Variants in CPA4 observed in about 807,000 individuals in gnomAD.
The protein encoded by CPA4 is carboxypeptidase A3.
CPA4 carries 49 observed loss-of-function variants against 54.7 expected under a neutral mutation model. The ratio of observed to expected loss-of-function variants is 0.90; its 90% CI spans 0.71 to 1.14. The LOEUF (loss-of-function observed/expected upper bound fraction) is 1.14. CPA4 is among the 50% of genes most tolerant of loss of function. CPA4 has a pLI of 0.00. For synonymous variants in CPA4, 215 were observed against 206.8 expected, an observed-to-expected ratio of 1.04 and a Z score of -0.34; for missense variants, 487 against 525.1, an observed-to-expected ratio of 0.93 and a Z score of 0.71.
chr7:130,320,092 C>T (rs1057489340), intron 10 of CPA4, among the ~76,000 whole-genome samples: 1 of 152,100 alleles, frequency 6.6e-6, no homozygotes, highest in African/African-American at 2.4e-5. Flanking sequence ...TCTAAAATGT[C>T]CACCTAGAGA....
chr7:130,305,810 CTGCAGTT>C lies in CPA4; in HGVS notation c.487-5_488del. ...GTCATTTTCGAGCCTTTTCTCCCTT[CTGCAGTT>C]CAGCACTGGGAAAGGCGTGAGGCGG... On this transcript the variant is annotated splice_acceptor_variant and splice_polypyrimidine_tract_variant and coding_sequence_variant and intron_variant, in exon 6 of 11. Transcript: ENST00000222482. LOFTEE classifies it high-confidence loss of function. 6.2e-7 allele frequency: 1 copy of C among 1,612,958 alleles called. No homozygotes were observed. The highest frequency in any genetic ancestry group is 8.5e-7 in the Non-Finnish European group (1 of 1,178,932).
chr7:130,304,970 G>A (rs1250005857), intron 5 of CPA4, among the ~76,000 whole-genome samples: 1 of 152,152 alleles, frequency 6.6e-6, no homozygotes, highest in African/African-American at 2.4e-5. Flanking sequence ...GTGAATTTGA[G>A]GGTTGGTGTA....
Position 130,322,784 on chromosome 7 carries a change from T to G in CPA4, c.*108T>G. The G allele has an allele frequency of 8.7e-7, 1 of 1,144,144 alleles. No individual in the cohort carries two copies. Among genetic ancestry groups the G allele is most frequent in the Admixed American group, 2.4e-5 (1 of 41,376 alleles). The allele number at this position is 1,144,144 out of a possible 1,614,324, so 70.9% of individuals were successfully genotyped here. A position where few individuals can be genotyped will look rare whatever the true frequency, so the allele number is the denominator to read the frequency against. On this transcript the variant is annotated 3_prime_UTR_variant, in exon 11 of 11. Transcript: ENST00000222482. ...TGTGTGAGTCAGAGCCCTCTGGGTT[T>G]GTGGAGCACACAGGCCTGCCCCTCT...
At chr7:130,301,059 A>C (rs1213497902) in intron 4 of CPA4, 145 bp downstream of exon 4, 2 of 617,352 alleles carry the variant, frequency 3.2e-6, no homozygotes, top group East Asian at 2.7e-5. Context: ...TTCCTTTCTA[A>C]TTCTTGGATT....
Position 130,304,700 on chromosome 7 carries a change from C to G in CPA4, c.486+121C>G. The G allele has an allele frequency of 4.3e-6, 3 of 700,450 alleles. No homozygotes were observed. In the South Asian group the frequency reaches 4.9e-5, roughly 11 times the overall value. The allele number at this position is 700,450 out of a possible 1,614,324, so 43.4% of individuals were successfully genotyped here. A position where few individuals can be genotyped will look rare whatever the true frequency, so the allele number is the denominator to read the frequency against. Reference sequence around the variant, plus strand: ...TTCAGGGAGGAAAGCGAGGTCAGGACACATTGTACCTGGGCTGGAACTTGG... The same window carrying G: ...TTCAGGGAGGAAAGCGAGGTCAGGAGACATTGTACCTGGGCTGGAACTTGG... On this transcript the variant is annotated intron_variant, in intron 5 of 10. Transcript: ENST00000222482.
At chr7:130,305,598 G>A (rs1005868939) in intron 5 of CPA4, among the ~76,000 whole-genome samples, 8 of 152,308 alleles carry the variant, frequency 5.3e-5, no homozygotes, top group Admixed American at 2.6e-4. Flanking sequence ...CCTAATGCTG[G>A]AGAGGTTCAG....
In CPA4 at chr7:130,322,860, G is replaced by A. The variant is rs927669667; in HGVS notation, c.*184G>A. The A allele has an allele frequency of 1.9e-6, 1 of 513,334 alleles. No individual in the cohort carries two copies. The highest frequency in any genetic ancestry group is 3.7e-5 in the Admixed American group (1 of 27,150). The allele number at this position is 513,334 out of a possible 1,614,324, so 31.8% of individuals were successfully genotyped here. On this transcript the variant is annotated 3_prime_UTR_variant, in exon 11 of 11. Coordinates refer to ENST00000222482, the MANE Select transcript of CPA4 (RefSeq NM_016352.4). ...TCCTGGCAGTGTCCCTGCAAGAACT[G>A]GTTCTGCCAGCCTGCTCAATTTTGG...
chr7:130,323,062 T>C lies in CPA4; in HGVS notation c.*386T>C, dbSNP rs1794145195. The C allele has an allele frequency of 5.8e-6, 1 of 171,008 alleles. No homozygotes were observed. The highest frequency in any genetic ancestry group is 2.4e-5 in the African/African-American group (1 of 42,082). The allele number at this position is 171,008 out of a possible 1,614,324, so 10.6% of individuals were successfully genotyped here. On this transcript the variant is annotated 3_prime_UTR_variant, in exon 11 of 11. Transcript: ENST00000222482. ...CCACATCTAGCCAAGCCAGTGACCT[T>C]GCTCTGGTGGCACTGTGGGAGACAC...
At position 130,298,124 on chromosome 7, in the gene CPA4, T is replaced by G. The variant is rs569778285; in HGVS notation, c.69-622T>G. Among the ~76,000 whole-genome samples the G allele has an allele frequency of 2.0e-5, 3 of 152,282 alleles. No homozygotes were observed. In the East Asian group the frequency reaches 5.8e-4, roughly 29 times the overall value. On this transcript the variant is annotated intron_variant, in intron 1 of 10. Transcript: ENST00000222482. ...CCAAACGAGCCTCTGTGTGGGGTTC[T>G]GGAGCTGGAAGGGACTGAGCGAGCA...
In CPA4 at chr7:130,293,226, T is replaced by C; in HGVS notation, c.46T>C (p.Cys16Arg). 6.2e-7 allele frequency: 1 copy of C among 1,611,772 alleles called. No homozygotes were observed. Among genetic ancestry groups the C allele is most frequent in the African/African-American group, 1.3e-5 (1 of 74,978 alleles). Residue 16 changes from cysteine (C) to arginine (R), a missense_variant, in exon 1 of 11, where the codon TGT (cysteine) becomes CGT (arginine). Transcript: ENST00000222482. ...TGGGGCCCTTATTGGGTCCAGCATC[T>C]GTGGCCAAGAAAAATTTTTTGGGTA... ...FIGALIGSSICGQEKFFGDQV... is the reference protein window; with the variant it reads ...FIGALIGSSIRGQEKFFGDQV...
rs1191036953 is a variant in CPA4 at position 130,323,896 on chromosome 7, TG to T, written c.*1221del. ...TATCCTGTGTTTCCTTGTCCTGGTT[TG>T]TGTGTGTGTGTGTGTGTGTGTGTGT... On this transcript the variant is annotated 3_prime_UTR_variant, in exon 11 of 11. Coordinates refer to ENST00000222482, the MANE Select transcript of CPA4 (RefSeq NM_016352.4). 4.8e-4 allele frequency: 4 copies of T among 8,340 alleles called. No homozygotes were observed. The highest frequency in any genetic ancestry group is 4.2e-3 in the African/African-American group (2 of 474). 0.5% of individuals were successfully genotyped at this position (8,340 alleles called of 1,614,324 possible).
At chr7:130,311,935 G>T in intron 9 of CPA4, 103 bp from the exon 10 acceptor site, 1 of 804,626 alleles carries the variant, frequency 1.2e-6, no homozygotes, top group Non-Finnish European at 2.1e-6. Context: ...AAAGGAAATC[G>T]GGGGGGGCTG....
At chr7:130,298,675 T>TG (rs1435514776) in intron 1 of CPA4, 71 bp from the exon 2 acceptor site, 10 of 921,430 alleles carry the variant, frequency 1.1e-5, no homozygotes, top group Admixed American at 7.0e-5. Flanking sequence ...ATAGGAGGCT[T>TG]GGGGGTTTCT....
intron 10 of CPA4, among the ~76,000 whole-genome samples, chr7:130,315,840 T>A (rs1003215872): frequency 3.9e-5 from 6 of 152,272 alleles, no homozygotes; most frequent in Admixed American, 6.5e-5. Flanking sequence ...AATAGAGCAT[T>A]GATGGGAAAT....
In CPA4 at chr7:130,322,821, C is replaced by T; in HGVS notation, c.*145C>T. The stretch of plus-strand genomic sequence containing the variant: ...AGGCCTGCCCCTCTCCAGCCAGCTC[C>T]CTGGAGTCGTGTGTCCTGGCAGTGT... On this transcript the variant is annotated 3_prime_UTR_variant, in exon 11 of 11. Transcript: ENST00000222482. The T allele has an allele frequency of 4.1e-6, 3 of 730,760 alleles. No individual in the cohort carries two copies. The highest frequency in any genetic ancestry group is 6.5e-6 in the Non-Finnish European group (3 of 464,110). 45.3% of individuals were successfully genotyped at this position (730,760 alleles called of 1,614,324 possible).
At chr7:130,314,002 A>G (rs1387882702) in intron 10 of CPA4, among the ~76,000 whole-genome samples, 3 of 152,226 alleles carry the variant, frequency 2.0e-5, no homozygotes, top group Non-Finnish European at 2.9e-5. Context: ...ACAATACTGC[A>G]GTCAGATGTT....
At chr7:130,293,436 G>A in intron 1 of CPA4, 188 bp downstream of exon 1, 1 of 582,474 alleles carries the variant, frequency 1.7e-6, no homozygotes, top group Non-Finnish European at 3.1e-6. Flanking sequence ...TGTGAAATCA[G>A]GACTAGATGA....
In CPA4 at chr7:130,295,744, C is replaced by A. The variant is rs1342272407; in HGVS notation, c.68+2496C>A. 2.0e-5 allele frequency among the ~76,000 whole-genome samples: 3 copies of A among 152,302 alleles called. No individual in the cohort carries two copies. The South Asian group carries it at 6.2e-4, about 32-fold the overall frequency. On this transcript the variant is annotated intron_variant, in intron 1 of 10. Coordinates refer to ENST00000222482, the MANE Select transcript of CPA4 (RefSeq NM_016352.4). ...CCTGTAATCCCAGCACTTTGGGAGG[C>A]TGAGGCAGGTGGATCACCTGAGGTC...
intron 8 of CPA4, among the ~76,000 whole-genome samples, chr7:130,309,303 G>C (rs755386941): frequency 3.5e-4 from 53 of 151,556 alleles, no homozygotes; most frequent in Non-Finnish European, 6.4e-4. Flanking sequence ...ACAAAACGGG[G>C]AACCTTCACC....
Sources: gnomAD v4.1 joint callset for allele counts (sites outside exome capture counted in the v4.1 genomes callset) on GRCh38, gnomAD v4.1.1 for gene constraint, MANE v1.5 for transcripts, NCBI Gene and HGNC (gene_info 2026-07-23, HGNC 2026-07-21) for gene names.